Variants in CMSS1 observed in about 807,000 individuals in gnomAD.
The protein encoded by CMSS1 is protein CMSS1.
A neutral mutation model predicts 43.5 loss-of-function variants in CMSS1; 33 were observed. The observed-to-expected ratio is 0.76, with a 90% CI of 0.57 to 1.01. The LOEUF (loss-of-function observed/expected upper bound fraction) is 1.01. CMSS1 is among the 50% of genes least tolerant of loss of function. The probability of loss-of-function intolerance (pLI) is 0.00; values close to 1 mark genes in which losing one functional copy is unlikely to be tolerated. For synonymous variants in CMSS1, 115 were observed against 117.2 expected, an observed-to-expected ratio of 0.98 and a Z score of 0.12; for missense variants, 313 against 326.4, an observed-to-expected ratio of 0.96 and a Z score of 0.32.
At chr3:99,940,533 T>G (rs2107675677) in intron 1 of CMSS1, among the ~76,000 whole-genome samples, 1 of 152,372 alleles carries the variant, frequency 6.6e-6, no homozygotes, top group East Asian at 1.9e-4. Context: ...GATGTGCCTA[T>G]GGTCATGCCC....
At position 100,064,649 on chromosome 3, in the gene CMSS1, T is replaced by C. The variant is rs1335791577; in HGVS notation, c.65-82324T>C. Among the ~76,000 whole-genome samples, 3 of 152,332 alleles carry C rather than the reference T, an allele frequency of 2.0e-5. No individual in the cohort carries two copies. The East Asian group carries it at 5.8e-4, about 29-fold the overall frequency. On this transcript the variant is annotated intron_variant, in intron 1 of 9. Transcript: ENST00000421999. Reference sequence around the variant, plus strand: ...CTGGCAAAAGGGCTTGGAAAATGCTTACAGACCTAATGGAACTTTTTATTT... The same window carrying C: ...CTGGCAAAAGGGCTTGGAAAATGCTCACAGACCTAATGGAACTTTTTATTT...
chr3:99,912,961 T>C (rs192623694), intron 1 of CMSS1, among the ~76,000 whole-genome samples: 7 of 152,284 alleles, frequency 4.6e-5, no homozygotes, highest in Admixed American at 6.5e-5. Flanking sequence ...CCCAATGTGA[T>C]GGTATTAGGA....
chr3:100,131,057 T>C (rs2107499440), intron 1 of CMSS1, among the ~76,000 whole-genome samples: 1 of 152,270 alleles, frequency 6.6e-6, no homozygotes, highest in South Asian at 2.1e-4. Flanking sequence ...ATGATGACCA[T>C]TTTGTGAGAA....
chr3:100,014,904 T>TC (rs1425892547), intron 1 of CMSS1, among the ~76,000 whole-genome samples: 1 of 143,028 alleles, frequency 7.0e-6, no homozygotes, highest in Non-Finnish European at 1.5e-5. Context: ...TCTTTTTTTT[T>TC]TTTTTTTTTT....
intron 1 of CMSS1, among the ~76,000 whole-genome samples, chr3:100,036,258 A>T (rs1478740649): frequency 3.3e-5 from 5 of 152,176 alleles, no homozygotes; most frequent in Non-Finnish European, 7.4e-5. Flanking sequence ...CTCATTTCCC[A>T]CTAAGAGGAA....
chr3:99,966,709 A>G (rs1021032637), intron 1 of CMSS1, among the ~76,000 whole-genome samples: 3 of 152,242 alleles, frequency 2.0e-5, no homozygotes, highest in African/African-American at 7.2e-5. Context: ...AAATAGAATC[A>G]TTCTAATAAA....
chr3:99,930,918 G>T (rs779314055), intron 1 of CMSS1: 4 of 1,613,404 alleles, frequency 2.5e-6, no homozygotes, highest in South Asian at 1.1e-5. Context: ...TTGTCTTGCT[G>T]TCTATGCTTC....
chr3:99,929,316 C>T (rs1386681152), intron 1 of CMSS1, among the ~76,000 whole-genome samples: 1 of 152,150 alleles, frequency 6.6e-6, no homozygotes, highest in African/African-American at 2.4e-5. Flanking sequence ...TGTCATTAAA[C>T]TTTGAAGGAA....
At chr3:99,977,731 G>A (rs73138628) in intron 1 of CMSS1, among the ~76,000 whole-genome samples, 33 of 152,194 alleles carry the variant, frequency 2.2e-4, no homozygotes, top group South Asian at 1.2e-3. Context: ...TCATTTGGAT[G>A]GAGCATGACA....
At chr3:99,897,022 T>G (rs944057746) in intron 1 of CMSS1, among the ~76,000 whole-genome samples, 2 of 152,086 alleles carry the variant, frequency 1.3e-5, no homozygotes, top group Non-Finnish European at 2.9e-5. Flanking sequence ...CAGAACAAAT[T>G]TTTTTTTCTT....
chr3:100,074,393 T>C (rs1419041600), intron 1 of CMSS1, among the ~76,000 whole-genome samples: 1 of 152,204 alleles, frequency 6.6e-6, no homozygotes, highest in Admixed American at 6.5e-5. Flanking sequence ...TTGTATTAAC[T>C]TGTTCTTTGA....
intron 1 of CMSS1, among the ~76,000 whole-genome samples, chr3:99,986,879 A>G (rs1709357239): frequency 1.3e-5 from 2 of 152,238 alleles, no homozygotes; most frequent in Admixed American, 1.3e-4. Flanking sequence ...TATAGTGCCA[A>G]GGTGGAGAAA....
At chr3:100,178,118 C>T (rs997578366) in intron 9 of CMSS1, among the ~76,000 whole-genome samples, 187 bp from the exon 10 acceptor site, 1 of 152,000 alleles carries the variant, frequency 6.6e-6, no homozygotes, top group Non-Finnish European at 1.5e-5. Flanking sequence ...GACTCTGTCT[C>T]AAAATAATAA....
At chr3:99,948,225 G>A (rs1708067371) in intron 1 of CMSS1, among the ~76,000 whole-genome samples, 1 of 152,090 alleles carries the variant, frequency 6.6e-6, no homozygotes. Flanking sequence ...ACCAAAGTTT[G>A]TTTAGAAAAG....
chr3:100,156,377 T>G (rs934199658), intron 2 of CMSS1, among the ~76,000 whole-genome samples: 1 of 149,804 alleles, frequency 6.7e-6, no homozygotes, highest in Non-Finnish European at 1.5e-5. Context: ...GACGCAATCT[T>G]GGCTCACTGC....
chr3:99,899,563 T>C (rs574951721), intron 1 of CMSS1, among the ~76,000 whole-genome samples: 2 of 152,350 alleles, frequency 1.3e-5, no homozygotes, highest in South Asian at 4.1e-4. Flanking sequence ...GTTGTTGCTT[T>C]TTTCTAGCAG....
At chr3:99,872,994 C>T (rs1705313164) in intron 1 of CMSS1, among the ~76,000 whole-genome samples, 1 of 151,610 alleles carries the variant, frequency 6.6e-6, no homozygotes, top group African/African-American at 2.4e-5. Flanking sequence ...AATTAGTGTA[C>T]CTAACAAAAT....
At chr3:100,014,141 A>G (rs1710248303) in intron 1 of CMSS1, among the ~76,000 whole-genome samples, 1 of 151,154 alleles carries the variant, frequency 6.6e-6, no homozygotes, top group Non-Finnish European at 1.5e-5. Flanking sequence ...ATTGTTGAAA[A>G]TGACAGAATT....
chr3:99,835,209 A>G (rs1481322471), intron 1 of CMSS1, among the ~76,000 whole-genome samples: 1 of 152,224 alleles, frequency 6.6e-6, no homozygotes, highest in African/African-American at 2.4e-5. Context: ...TTCCTGGGCT[A>G]TACTTCTAAT....
Sources: allele counts gnomAD v4.1 joint callset (sites outside exome capture counted in the v4.1 genomes callset), GRCh38; gene constraint gnomAD v4.1.1; transcripts MANE v1.5; gene names NCBI Gene and HGNC (gene_info 2026-07-23, HGNC 2026-07-21).